Variants in WDR27 observed in about 807,000 individuals in gnomAD.
WDR27 encodes WD repeat domain 27, also known as WD repeat-containing protein 27.
Under a neutral mutation model 114.4 loss-of-function variants are expected in WDR27, and 100 were observed. The ratio of observed to expected loss-of-function variants is 0.87; its 90% confidence interval spans 0.74 to 1.03. The LOEUF (loss-of-function observed/expected upper bound fraction) is 1.03. Ranked by LOEUF, WDR27 falls within the 50% of genes least tolerant of loss-of-function variation. The pLI is 0.00. For synonymous variants in WDR27, 449 were observed against 423.1 expected (o/e 1.06, Z -0.75); for missense variants, 1,129 against 1,092.9 (o/e 1.03, Z -0.47).
At chr6:169,561,995 T>G (rs572483137) in intron 25 of WDR27, among the ~76,000 whole-genome samples, 5 of 152,274 alleles carry the variant, frequency 3.3e-5, no homozygotes, top group African/African-American at 1.2e-4. Context: ...AATGAAGGTG[T>G]CTACTCATTA....
At position 169,516,040 on chromosome 6, in the gene WDR27, G is replaced by C. The variant is rs556556640; in HGVS notation, c.2645+56379C>G. Among the ~76,000 whole-genome samples the C allele has an allele frequency of 5.2e-3, 785 of 152,094 alleles. 9 individuals are homozygous for C. Among genetic ancestry groups the C allele is most frequent in the African/African-American group, 0.018 (740 of 41,512 alleles). ...ATCTGGAAATATAAATACAAAAATA[G>C]CTAAGAGGAGAACGGTAGAAAAATA... On this transcript the variant is annotated intron_variant, in intron 25 of 25. Coordinates refer to ENST00000448612, the MANE Select transcript of WDR27 (RefSeq NM_182552.5).
intron 23 of WDR27, among the ~76,000 whole-genome samples, chr6:169,595,564 T>C (rs2128160577): frequency 6.6e-6 from 1 of 152,306 alleles, no homozygotes; most frequent in South Asian, 2.1e-4. Context: ...CTCTTCTTAT[T>C]CAATTAACAT....
At chr6:169,516,502 CG>C (rs967288336) in intron 25 of WDR27, among the ~76,000 whole-genome samples, 1 of 152,018 alleles carries the variant, frequency 6.6e-6, no homozygotes, top group Non-Finnish European at 1.5e-5. Flanking sequence ...GGGGAATGGG[CG>C]GTGGGGACAT....
At chr6:169,574,656 G>C (rs726792) in intron 24 of WDR27, among the ~76,000 whole-genome samples, 1 of 151,938 alleles carries the variant, frequency 6.6e-6, no homozygotes, top group Non-Finnish European at 1.5e-5. Flanking sequence ...TGAAGTCATG[G>C]AGAGGGTGCC....
At chr6:169,666,509 CAGTGCCCT>C (rs1483813182) in intron 6 of WDR27, 1 of 985,408 alleles carries the variant, frequency 1.0e-6, no homozygotes, top group African/African-American at 1.7e-5. Context: ...TGCAGGAAAC[CAGTGCCCT>C]AAGATGCCAG....
chr6:169,530,664 A>G (rs1279658173), intron 25 of WDR27, among the ~76,000 whole-genome samples: 2 of 152,210 alleles, frequency 1.3e-5, no homozygotes, highest in Non-Finnish European at 1.5e-5. Flanking sequence ...TATGGCTGGT[A>G]TAACGCAGCA....
intron 23 of WDR27, among the ~76,000 whole-genome samples, chr6:169,583,609 G>A (rs1489986553): frequency 6.6e-6 from 1 of 150,668 alleles, no homozygotes; most frequent in African/African-American, 2.5e-5. Flanking sequence ...TCTGTTATCA[G>A]ATACCATTCT....
At chr6:169,666,819 G>C (rs1827952883) in intron 6 of WDR27, 1 of 985,490 alleles carries the variant, frequency 1.0e-6, no homozygotes, top group Non-Finnish European at 1.2e-6. Context: ...TCTGGGATGT[G>C]TTTCTACAGA....
rs772536134 is a variant in WDR27 at position 169,668,056 on chromosome 6, G to C, written c.586C>G (p.Pro196Ala). Residue 196 changes from proline to alanine, a missense_variant, in exon 5 of 26, where the codon CCG becomes GCG. Pro to Ala is a conservative substitution (Grantham distance 27, BLOSUM62 -1). Coordinates refer to ENST00000448612, the MANE Select transcript of WDR27 (RefSeq NM_182552.5). ...VRAELQGHLG[P>A]VTAVEFCPWR... ...GGACAGAACTCCACCGCAGTCACCG[G>C]GCCCAGGTGGCCCTGCAGCTCGGCC... The C allele has an allele frequency of 1.9e-6, 3 of 1,613,954 alleles. No individual in the cohort carries two copies. The Admixed American group carries it at 5.0e-5, about 27-fold the overall frequency.
chr6:169,614,463 A>C (rs577876474), intron 21 of WDR27, among the ~76,000 whole-genome samples: 2 of 152,324 alleles, frequency 1.3e-5, no homozygotes, highest in South Asian at 4.1e-4. Flanking sequence ...AGGCGGGCAG[A>C]TCACCTGAGG....
chr6:169,568,437 C>T (rs1222957144), intron 25 of WDR27, among the ~76,000 whole-genome samples: 1 of 152,034 alleles, frequency 6.6e-6, no homozygotes, highest in Non-Finnish European at 1.5e-5. Flanking sequence ...GACAGCCATG[C>T]CCAGGGAGTA....
At chr6:169,605,455 T>C (rs1808950789) in intron 22 of WDR27, among the ~76,000 whole-genome samples, 1 of 151,212 alleles carries the variant, frequency 6.6e-6, no homozygotes, top group Non-Finnish European at 1.5e-5. Flanking sequence ...TGAAAGAAAC[T>C]ACAGATAATA....
chr6:169,665,223 C>T (rs1349711812), intron 7 of WDR27: 14 of 1,212,494 alleles, frequency 1.2e-5, no homozygotes, highest in African/African-American at 1.6e-5. Flanking sequence ...ACGTGAGTGG[C>T]CCTCACTTTT....
chr6:169,569,958 T>C (rs1051637462), intron 25 of WDR27, among the ~76,000 whole-genome samples: 1 of 152,300 alleles, frequency 6.6e-6, no homozygotes, highest in African/African-American at 2.4e-5. Flanking sequence ...CCTGCCCAAC[T>C]ATCTCCTGTT....
chr6:169,636,528 T>C (rs773070775), intron 18 of WDR27, 24 bp from the exon 19 acceptor site: 2 of 1,579,710 alleles, frequency 1.3e-6, no homozygotes. Flanking sequence ...CAGTAATTAC[T>C]GTCAATATAA....
At chr6:169,670,909 T>A (rs1778564042) in intron 3 of WDR27, 4 of 537,406 alleles carry the variant, frequency 7.4e-6, no homozygotes, top group South Asian at 5.9e-5. Context: ...CTGCAGAGAC[T>A]CTCTCAGCAT....
chr6:169,577,076 A>G (rs895083505), intron 24 of WDR27, among the ~76,000 whole-genome samples: 5 of 138,212 alleles, frequency 3.6e-5, no homozygotes, highest in African/African-American at 1.2e-4. Context: ...AATATGCTCA[A>G]AAAGAAAAGG....
intron 21 of WDR27, among the ~76,000 whole-genome samples, chr6:169,621,812 TCATA>T (rs1661324562): frequency 6.6e-6 from 1 of 152,044 alleles, no homozygotes; most frequent in Non-Finnish European, 1.5e-5. Flanking sequence ...ACACATGCAT[TCATA>T]CATATACACA....
chr6:169,499,545 A>G (rs755727835), intron 25 of WDR27, among the ~76,000 whole-genome samples: 27 of 152,246 alleles, frequency 1.8e-4, no homozygotes, highest in African/African-American at 6.0e-4. Flanking sequence ...TGAAGTCACT[A>G]TCACCTGCAC....
Sources: allele counts gnomAD v4.1 joint callset (sites outside exome capture counted in the v4.1 genomes callset), GRCh38; gene constraint gnomAD v4.1.1; transcripts MANE v1.5; gene names NCBI Gene and HGNC (gene_info 2026-07-23, HGNC 2026-07-21).